PCSK6: variants seen among roughly 807,000 people sequenced by gnomAD.
The protein encoded by PCSK6 is paired basic amino acid cleaving enzyme 4.
Under a neutral mutation model 123.3 loss-of-function variants are expected in PCSK6, and 85 were observed. The observed-to-expected ratio is 0.69, with a 90% confidence interval of 0.58 to 0.83. The LOEUF (loss-of-function observed/expected upper bound fraction) is 0.83, where lower values mean the gene tolerates loss of function less well. Among genes scored for constraint, PCSK6 ranks in the 40% least tolerant of loss-of-function variants. The pLI is 0.00. For missense variants in PCSK6, 1,191 were observed against 1,282.3 expected, an observed-to-expected ratio of 0.93 and a Z score of 1.09; for synonymous variants, 508 against 516.0, an observed-to-expected ratio of 0.98 and a Z score of 0.21.
At chr15:101,475,253 C>A (rs1253842748) in intron 1 of PCSK6, among the ~76,000 whole-genome samples, 1 of 152,170 alleles carries the variant, frequency 6.6e-6, no homozygotes, top group African/African-American at 2.4e-5. Flanking sequence ...CAAAGCCTGG[C>A]AAACAAATGG....
At chr15:101,400,388 T>C (rs1406500579) in intron 6 of PCSK6, among the ~76,000 whole-genome samples, 1 of 152,208 alleles carries the variant, frequency 6.6e-6, no homozygotes, top group African/African-American at 2.4e-5. Context: ...CCTTCTGAAG[T>C]AGGGGTTCCC....
intron 6 of PCSK6, among the ~76,000 whole-genome samples, chr15:101,426,783 A>G (rs1207293140): frequency 8.7e-6 from 1 of 114,968 alleles, no homozygotes; most frequent in Non-Finnish European, 2.1e-5. Context: ...AGAACGGCAG[A>G]AAGTGGCTGC....
chr15:101,385,300 G>A (rs1488976512), intron 9 of PCSK6, among the ~76,000 whole-genome samples: 1 of 152,182 alleles, frequency 6.6e-6, no homozygotes, highest in Non-Finnish European at 1.5e-5. Context: ...TTACAGGTGT[G>A]AGCCACCACA....
At chr15:101,477,259 CTGTGTGTCTGTG>C (rs1001951279) in intron 1 of PCSK6, among the ~76,000 whole-genome samples, 203 of 149,932 alleles carry the variant, frequency 1.4e-3, no homozygotes, top group African/African-American at 4.8e-3. Context: ...GTGTGTGTGT[CTGTGTGTCTGTG>C]TGTGTGTGCA....
intron 13 of PCSK6, among the ~76,000 whole-genome samples, chr15:101,332,789 C>G (rs575855456): frequency 2.0e-5 from 3 of 152,198 alleles, no homozygotes; most frequent in Non-Finnish European, 4.4e-5. Flanking sequence ...CCCGCCCCAC[C>G]GACAGCTCCA....
chr15:101,398,734 C>T lies in PCSK6; in HGVS notation c.824-158G>A, dbSNP rs1481023916. 6.6e-6 allele frequency among the ~76,000 whole-genome samples: 1 copy of T among 152,166 alleles called. No individual in the cohort carries two copies. The highest frequency in any genetic ancestry group is 1.5e-5 in the Non-Finnish European group (1 of 68,042). On this transcript the variant is annotated intron_variant, in intron 6 of 21. Coordinates refer to ENST00000611716, the MANE Select transcript of PCSK6 (RefSeq NM_002570.5). The surrounding 1 kb of genome is among the most constrained non-coding windows in gnomAD (Gnocchi z 4.6). ...TTCTGCAAAACTGGCTCCTCTTCTC[C>T]ATGCTGGCTGATGTGAAAGAACTCA...
At chr15:101,410,564 G>A (rs1181864368) in intron 6 of PCSK6, among the ~76,000 whole-genome samples, 1 of 152,224 alleles carries the variant, frequency 6.6e-6, no homozygotes, top group East Asian at 1.9e-4. Context: ...TAGGCCAGGA[G>A]GAAGAGGCGA....
chr15:101,389,508 A>G lies in PCSK6; in HGVS notation c.1266T>C (p.Ser422=). ...CTDGHTGTSV[S]APMVAGIIAL... is the part of the protein sequence containing the mutation. ...CGATGATGCCCGCCACCATGGGGGC[A>G]GAGACTGAGGTCCCAGTGTGGCCAT... Residue 422 remains serine, a synonymous_variant, in exon 9 of 22, where the codon TCT becomes TCC. Transcript: ENST00000611716. The G allele has an allele frequency of 6.2e-7, 1 of 1,613,650 alleles. No individual in the cohort carries two copies. The highest frequency in any genetic ancestry group is 8.5e-7 in the Non-Finnish European group (1 of 1,179,700).
chr15:101,397,962 G>A (rs568412364), intron 7 of PCSK6, among the ~76,000 whole-genome samples: 3 of 152,354 alleles, frequency 2.0e-5, no homozygotes, highest in Admixed American at 1.3e-4. Flanking sequence ...CTGCTGCAGC[G>A]GGGCCTGGGT....
chr15:101,486,731 T>C (rs1165659600), intron 1 of PCSK6, among the ~76,000 whole-genome samples: 1 of 152,166 alleles, frequency 6.6e-6, no homozygotes, highest in Non-Finnish European at 1.5e-5. Context: ...CTGAATCCAG[T>C]TATTAGTTGT....
intron 1 of PCSK6, among the ~76,000 whole-genome samples, chr15:101,448,328 C>G (rs1434736368): frequency 1.3e-5 from 2 of 149,800 alleles, no homozygotes; most frequent in Non-Finnish European, 2.9e-5. Context: ...TCAAAGAACT[C>G]ACAGTGAAGA....
chr15:101,445,021 G>T (rs184442788), intron 1 of PCSK6, among the ~76,000 whole-genome samples: 3 of 152,160 alleles, frequency 2.0e-5, no homozygotes, highest in Admixed American at 6.5e-5. Flanking sequence ...CTTTGTCCTC[G>T]AAATAAAGAG....
At chr15:101,452,485 G>A (rs2057060403) in intron 1 of PCSK6, among the ~76,000 whole-genome samples, 1 of 152,150 alleles carries the variant, frequency 6.6e-6, no homozygotes, top group Non-Finnish European at 1.5e-5. Context: ...AAGATAAGCT[G>A]TAAAACTCTT....
intron 2 of PCSK6, among the ~76,000 whole-genome samples, chr15:101,433,465 G>A (rs750305906): frequency 1.3e-5 from 2 of 152,228 alleles, no homozygotes; most frequent in Non-Finnish European, 2.9e-5. Context: ...CCTGGCTCTG[G>A]GGCCTGACAT....
rs752733001 is a variant in PCSK6, at chr15:101,435,310, C to CA, written c.403-3211dup. Among the ~76,000 whole-genome samples the CA allele has an allele frequency of 6.0e-4, 77 of 129,062 alleles. 1 individual carries two copies. Among genetic ancestry groups the CA allele is most frequent in the Middle Eastern group, 4.0e-3 (1 of 252 alleles). The allele number at this position is 129,062 out of a possible 152,430, so 84.7% of individuals were successfully genotyped here. A position where few individuals can be genotyped will look rare whatever the true frequency, so the allele number is the denominator to read the frequency against. On this transcript the variant is annotated intron_variant, in intron 2 of 21. Coordinates refer to ENST00000611716, the MANE Select transcript of PCSK6 (RefSeq NM_002570.5). ...TGGGTGACAGAGTGAGACTCTGTCT[C>CA]AAAAAAAAAAAGAAAGAAAGAAAGA...
intron 17 of PCSK6, among the ~76,000 whole-genome samples, chr15:101,323,069 C>A (rs77522104): frequency 6.6e-6 from 1 of 152,174 alleles, no homozygotes; most frequent in African/African-American, 2.4e-5. Flanking sequence ...AGTCATCGTG[C>A]CTCTTGGGGA....
chr15:101,329,070 C>A (rs1596189413), intron 15 of PCSK6, among the ~76,000 whole-genome samples: 2 of 152,332 alleles, frequency 1.3e-5, no homozygotes, highest in South Asian at 4.1e-4. Flanking sequence ...TGTGTCACTT[C>A]CCGTAACTCC....
Position 101,304,402 on chromosome 15 carries a change from A to G in PCSK6, c.*856T>C, listed in dbSNP as rs561584059. 6 of 152,436 alleles carry G rather than the reference A, an allele frequency of 3.9e-5. No homozygotes were observed. The highest frequency in any genetic ancestry group is 2.1e-4 in the South Asian group (1 of 4,830). 9.4% of individuals were successfully genotyped at this position (152,436 alleles called of 1,614,324 possible). A position where few individuals can be genotyped will look rare whatever the true frequency, so the allele number is the denominator to read the frequency against. Reference sequence around the variant, plus strand: ...TAAAATGGGAAGTGATGGATGATTAACAATGCATGGCTGGCTTTACATTTT... The same window carrying G: ...TAAAATGGGAAGTGATGGATGATTAGCAATGCATGGCTGGCTTTACATTTT... On this transcript the variant is annotated 3_prime_UTR_variant, in exon 22 of 22. Coordinates refer to ENST00000611716, the MANE Select transcript of PCSK6 (RefSeq NM_002570.5).
intron 11 of PCSK6, among the ~76,000 whole-genome samples, chr15:101,380,354 G>A (rs544140418): frequency 1.1e-4 from 16 of 152,328 alleles, no homozygotes; most frequent in South Asian, 4.1e-4. Context: ...CGGAGGCGCC[G>A]GGGCAGAGGG....
Sources: gnomAD v4.1 joint callset for allele counts (sites outside exome capture counted in the v4.1 genomes callset) on GRCh38, gnomAD v4.1.1 for gene constraint, Gnocchi (gnomAD v3.1) non-coding constraint, MANE v1.5 for transcripts, NCBI Gene and HGNC (gene_info 2026-07-23, HGNC 2026-07-21) for gene names.